The following FGF14 variants were observed in gnomAD, a reference collection of about 807,000 sequenced individuals.
FGF14 encodes the protein fibroblast growth factor 14, also known as fibroblast growth factor homologous factor 4.
A neutral mutation model predicts 25.5 loss-of-function variants in FGF14; 5 were observed. The ratio of observed to expected loss-of-function variants is 0.20; its 90% CI spans 0.10 to 0.41. FGF14 has a LOEUF of 0.41. Among genes scored for constraint, FGF14 ranks in the 10% least tolerant of loss-of-function variants. The pLI, the probability that FGF14 is intolerant of heterozygous loss-of-function variation, is 1.00. For missense variants in FGF14, 222 were observed against 320.1 expected (o/e 0.69, Z 2.34); for synonymous variants, 138 against 118.3 (o/e 1.17, Z -1.08).
At chr13:102,016,459 A>C (rs1410928607) in intron 1 of FGF14, among the ~76,000 whole-genome samples, 3 of 152,146 alleles carry the variant, frequency 2.0e-5, no homozygotes, top group Admixed American at 2.0e-4. Flanking sequence ...TTTTTCTAAA[A>C]ATTTTTATTG....
chr13:101,848,963 A>G (rs1292860627), intron 3 of FGF14, among the ~76,000 whole-genome samples: 2 of 152,076 alleles, frequency 1.3e-5, no homozygotes, highest in Non-Finnish European at 2.9e-5. Flanking sequence ...TATAAATGAA[A>G]AAAAGTGTAT....
Position 101,879,450 on chromosome 13 carries a change from A to G in FGF14, c.194-4154T>C, listed in dbSNP as rs139365950. Among the ~76,000 whole-genome samples the G allele has an allele frequency of 6.2e-3, 941 of 152,324 alleles. 6 individuals are homozygous for G. The highest frequency in any genetic ancestry group is 6.2e-3 in the Admixed American group (95 of 15,294). The stretch of plus-strand genomic sequence containing the variant: ...GCCTTCAGATTCAGGGGAAAAATAC[A>G]CAACATTTTTAATTAAAACACTCAT... On this transcript the variant is annotated intron_variant, in intron 1 of 4. Transcript: ENST00000376143.
chr13:102,002,908 T>A (rs547130534), intron 1 of FGF14: 2 of 152,326 alleles, frequency 1.3e-5, no homozygotes, highest in East Asian at 3.9e-4. Flanking sequence ...TCAAGTTGAC[T>A]TTCCTTACAG....
At chr13:102,348,124 T>C (rs1264739281) in intron 1 of FGF14, among the ~76,000 whole-genome samples, 1 of 152,096 alleles carries the variant, frequency 6.6e-6, no homozygotes, top group Non-Finnish European at 1.5e-5. Context: ...TGCAAAATAA[T>C]TCAAATGTCC....
chr13:102,112,629 T>C (rs2140328099), intron 1 of FGF14, among the ~76,000 whole-genome samples: 1 of 152,208 alleles, frequency 6.6e-6, no homozygotes, highest in East Asian at 1.9e-4. Flanking sequence ...GCTCAAATTA[T>C]CTTGGGGCAT....
intron 1 of FGF14, among the ~76,000 whole-genome samples, chr13:101,956,026 C>G (rs781518156): frequency 3.9e-5 from 6 of 152,140 alleles, no homozygotes; most frequent in East Asian, 1.9e-4. Context: ...GGTGAAGACT[C>G]AGAGAGAAAT....
chr13:101,732,704 A>C (rs1221063811), intron 3 of FGF14, among the ~76,000 whole-genome samples: 1 of 152,236 alleles, frequency 6.6e-6, no homozygotes, highest in East Asian at 1.9e-4. Context: ...CTAGAAATTA[A>C]GTTGTAATCT....
chr13:102,128,584 C>T (rs546480947), intron 1 of FGF14, among the ~76,000 whole-genome samples: 1 of 152,238 alleles, frequency 6.6e-6, no homozygotes, highest in East Asian at 1.9e-4. Flanking sequence ...AAAACTCCAC[C>T]CTCACTTCCC....
intron 1 of FGF14, among the ~76,000 whole-genome samples, chr13:102,105,915 A>G (rs1430571683): frequency 6.6e-6 from 1 of 152,206 alleles, no homozygotes; most frequent in Admixed American, 6.5e-5. Context: ...TTGCCAACAT[A>G]CATTTCAACA....
At chr13:101,775,963 TC>T (rs1319489074) in intron 3 of FGF14, among the ~76,000 whole-genome samples, 4 of 152,130 alleles carry the variant, frequency 2.6e-5, no homozygotes, top group Non-Finnish European at 5.9e-5. Context: ...GCAATGTTTT[TC>T]CAAGATAAAG....
intron 1 of FGF14, among the ~76,000 whole-genome samples, chr13:102,044,964 C>G (rs2041915669): frequency 6.6e-6 from 1 of 152,130 alleles, no homozygotes; most frequent in Admixed American, 6.6e-5. Flanking sequence ...GTCTACTCAT[C>G]CTCATTCTTA....
intron 1 of FGF14, among the ~76,000 whole-genome samples, chr13:102,285,937 A>G (rs1222440214): frequency 1.3e-5 from 2 of 152,196 alleles, no homozygotes; most frequent in Non-Finnish European, 2.9e-5. Context: ...GGTGAGGAAG[A>G]CTAAGGAGGG....
intron 1 of FGF14, among the ~76,000 whole-genome samples, chr13:102,285,655 CTG>C (rs1278615432): frequency 6.6e-6 from 1 of 152,218 alleles, no homozygotes; most frequent in African/African-American, 2.4e-5. Context: ...AGATAAATCT[CTG>C]TGAACTAGCC....
intron 1 of FGF14, among the ~76,000 whole-genome samples, chr13:102,147,551 T>C (rs1403262649): frequency 6.6e-6 from 1 of 152,208 alleles, no homozygotes; most frequent in Non-Finnish European, 1.5e-5. Flanking sequence ...AGTGCAGAGA[T>C]ACAAAAGATT....
intron 3 of FGF14, among the ~76,000 whole-genome samples, chr13:101,860,338 C>G (rs1343789784): frequency 6.6e-6 from 1 of 152,012 alleles, no homozygotes; most frequent in Non-Finnish European, 1.5e-5. Context: ...TCTCTATGCA[C>G]TCCCCAAAGG....
In FGF14 at chr13:102,023,332, A is replaced by G. The variant is rs898200059; in HGVS notation, c.209-148036T>C. 2.0e-5 allele frequency among the ~76,000 whole-genome samples: 3 copies of G among 152,092 alleles called. No individual in the cohort carries two copies. In the East Asian group the frequency reaches 5.8e-4, roughly 29 times the overall value. ...ACTGTGCTACCAACTAAAGTGCTAC[A>G]GATTTTTAATAAAGGGAAGAACACG... On this transcript the variant is annotated intron_variant, in intron 1 of 4. Coordinates refer to the FGF14 transcript ENST00000376131.
rs2034893208 is a variant in FGF14, at chr13:101,720,473, A to G, written c.*2358T>C. 1 of 151,998 alleles carries G rather than the reference A, an allele frequency of 6.6e-6. No homozygotes were observed. Among genetic ancestry groups the G allele is most frequent in the Admixed American group, 6.6e-5 (1 of 15,238 alleles). 9.4% of individuals were successfully genotyped at this position (151,998 alleles called of 1,614,324 possible). On this transcript the variant is annotated 3_prime_UTR_variant, in exon 5 of 5. Coordinates refer to ENST00000376143, the MANE Select transcript of FGF14 (RefSeq NM_004115.4). ...AACCAATAAACAGACTTGCAGGGGA[A>G]AAAGAAACCAGCAAGTAGGGCTAAT... is the stretch of plus-strand genomic sequence containing the variant.
intron 1 of FGF14, among the ~76,000 whole-genome samples, chr13:102,186,678 T>A (rs1054656910): frequency 7.9e-5 from 12 of 152,148 alleles, no homozygotes; most frequent in African/African-American, 2.9e-4. Context: ...AAATCAGTGG[T>A]ATGATACATG....
chr13:101,820,253 A>C (rs12870032), intron 3 of FGF14, among the ~76,000 whole-genome samples: 34,852 of 152,084 alleles, frequency 0.23, 4,177 homozygotes, highest in Middle Eastern at 0.26. Context: ...AGAAAAAAAA[A>C]CAGTTTTTCA....
Sources: gnomAD v4.1 joint callset for allele counts (sites outside exome capture counted in the v4.1 genomes callset) on GRCh38, gnomAD v4.1.1 for gene constraint, MANE v1.5 for transcripts, NCBI Gene and HGNC (gene_info 2026-07-23, HGNC 2026-07-21) for gene names.